The following DNAH5 variants were observed in gnomAD, a reference collection of about 807,000 sequenced individuals.
DNAH5 encodes dynein axonemal heavy chain 5, also known as axonemal beta dynein heavy chain 5.
Under a neutral mutation model 518.2 loss-of-function variants are expected in DNAH5, and 372 were observed. The ratio of observed to expected loss-of-function variants is 0.72; its 90% CI spans 0.66 to 0.78. DNAH5 has a LOEUF of 0.78. Among genes scored for constraint, DNAH5 ranks in the 30% least tolerant of loss-of-function variants. The pLI is 0.00. For synonymous variants in DNAH5, 2,039 were observed against 2,025.9 expected, an observed-to-expected ratio of 1.01 and a Z score of -0.17; for missense variants, 5,523 against 5,687.0, an observed-to-expected ratio of 0.97 and a Z score of 0.93.
At chr5:13,987,958 A>C (rs1217191912) in intron 1 of DNAH5, among the ~76,000 whole-genome samples, 2 of 152,204 alleles carry the variant, frequency 1.3e-5, no homozygotes, top group African/African-American at 2.4e-5. Flanking sequence ...AAACTAGACA[A>C]ACCTGTCACA....
At chr5:13,751,375 T>C (rs764023014) in intron 64 of DNAH5, 115 bp from the exon 65 acceptor site, 3 of 1,069,088 alleles carry the variant, frequency 2.8e-6, no homozygotes, top group Non-Finnish European at 4.1e-6. Flanking sequence ...ATCATTTGTA[T>C]ACTAAAAAAG....
At chr5:13,784,140 A>G (rs1162345574) in intron 52 of DNAH5, among the ~76,000 whole-genome samples, 1 of 152,226 alleles carries the variant, frequency 6.6e-6, no homozygotes, top group Non-Finnish European at 1.5e-5. Context: ...GACACTTAAC[A>G]TAAATAACTG....
intron 63 of DNAH5, 143 bp downstream of exon 63, chr5:13,753,090 T>A (rs1750469151): frequency 1.2e-5 from 8 of 641,316 alleles, no homozygotes; most frequent in Non-Finnish European, 2.2e-5. Context: ...TTATATTAGA[T>A]TTAAGCTTGC....
rs1579882080 is a variant in DNAH5 at position 13,716,649 on chromosome 5, A to G, written c.12747T>C (p.Ile4249=). The part of the protein sequence containing the change: ...WTTIRYMIGE[I]QYGGRVTDDY... ...CGTCAGTGACTCTGCCTCCATATTG[A>G]ATCTCTCCTATCATGTAGCGGATGG... Residue 4249 remains isoleucine (I), a synonymous_variant, in exon 74 of 79, where the codon ATT becomes ATC. Coordinates refer to ENST00000265104, the MANE Select transcript of DNAH5 (RefSeq NM_001369.3). 1 of 1,613,920 alleles carries G rather than the reference A, an allele frequency of 6.2e-7. No individual in the cohort carries two copies. The highest frequency in any genetic ancestry group is 8.5e-7 in the Non-Finnish European group (1 of 1,179,850).
In DNAH5 at chr5:13,900,380, T is replaced by C. The variant is rs762493873; in HGVS notation, c.2085A>G (p.Ser695=). The C allele has an allele frequency of 6.2e-7, 1 of 1,614,150 alleles. No homozygotes were observed. Among genetic ancestry groups the C allele is most frequent in the East Asian group, 2.2e-5 (1 of 44,870 alleles). ...IEEIHVGLEA[S]LLVKAPGTGE... ...CTGTGCCTGGAGCCTTCACCAATAA[T>C]GAAGCCTCAAGACCTACATGAATTT... is the stretch of plus-strand genomic sequence containing the variant. Residue 695 remains serine, a synonymous_variant, in exon 15 of 79, where the codon TCA becomes TCG. Transcript: ENST00000265104.
intron 53 of DNAH5, among the ~76,000 whole-genome samples, chr5:13,780,229 G>C (rs1754889170): frequency 6.6e-6 from 1 of 152,280 alleles, no homozygotes; most frequent in Middle Eastern, 3.4e-3. Flanking sequence ...CCTTAGACTA[G>C]GTTAGGAGCT....
chr5:13,913,242 AC>A lies in DNAH5; in HGVS notation c.1536+500del, dbSNP rs201150798. Among the ~76,000 whole-genome samples, 842 of 152,184 alleles carry A rather than the reference AC, an allele frequency of 5.5e-3. 2 individuals carry two copies. Among genetic ancestry groups the A allele is most frequent in the South Asian group, 0.031 (148 of 4,830 alleles). On this transcript the variant is annotated intron_variant, in intron 11 of 78. Transcript: ENST00000265104. Reference sequence around the variant, plus strand: ...CAAAACTAAAATTAGTCACACAGATACCATGACAAGATAAAGCAGTTAAAAA... The same window carrying A: ...CAAAACTAAAATTAGTCACACAGATACATGACAAGATAAAGCAGTTAAAAA...
intron 58 of DNAH5, among the ~76,000 whole-genome samples, chr5:13,768,313 G>A (rs564351334): frequency 2.8e-4 from 42 of 152,100 alleles, no homozygotes; most frequent in African/African-American, 8.4e-4. Context: ...TCTCTCTCCC[G>A]CCATCTTGTG....
chr5:13,724,405 A>G (rs1484641453), intron 70 of DNAH5, among the ~76,000 whole-genome samples: 4 of 152,168 alleles, frequency 2.6e-5, no homozygotes, highest in Non-Finnish European at 5.9e-5. Flanking sequence ...GTATCTTGGG[A>G]GTAAATAATG....
intron 75 of DNAH5, among the ~76,000 whole-genome samples, chr5:13,712,093 A>C (rs1743562303): frequency 6.6e-6 from 1 of 152,212 alleles, no homozygotes; most frequent in Admixed American, 6.5e-5. Flanking sequence ...AGGAGGCATC[A>C]TACAACATGG....
chr5:13,776,780 C>T, intron 54 of DNAH5, 74 bp from the exon 55 acceptor site: 1 of 1,526,042 alleles, frequency 6.6e-7, no homozygotes, highest in Non-Finnish European at 9.0e-7. Flanking sequence ...GCTTAATACA[C>T]AGAATGTCTT....
Position 13,716,799 on chromosome 5 carries a change from C to T in DNAH5, c.12706-109G>A, listed in dbSNP as rs1744343086. 13 of 781,612 alleles carry T rather than the reference C, an allele frequency of 1.7e-5. No individual in the cohort carries two copies. In the South Asian group the frequency reaches 1.7e-4, roughly 10 times the overall value. 48.4% of individuals were successfully genotyped at this position (781,612 alleles called of 1,614,324 possible). ...TTTCAACATCATTCAGTCAGTCACT[C>T]TTCATCAGTACTGCAAAGAGAAAGT... On this transcript the variant is annotated intron_variant, in intron 73 of 78. Transcript: ENST00000265104.
intron 46 of DNAH5, 145 bp downstream of exon 46, chr5:13,808,899 G>A: frequency 1.1e-6 from 1 of 875,844 alleles, no homozygotes. Flanking sequence ...GGTGGAGCCT[G>A]CAGTGAGCCG....
intron 58 of DNAH5, 36 bp from the exon 59 acceptor site, chr5:13,766,215 T>G (rs970830903): frequency 5.6e-6 from 9 of 1,610,440 alleles, no homozygotes; most frequent in Non-Finnish European, 7.6e-6. Context: ...CAACCACAGA[T>G]AGGAAAGCAC....
Position 13,870,874 on chromosome 5 carries a change from G to C in DNAH5, c.3727C>G (p.Leu1243Val), listed in dbSNP as rs2151918770. Residue 1243 changes from leucine (L) to valine (V), a missense_variant, in exon 24 of 79, where the codon CTA becomes GTA. Physicochemically the swap from Leu to Val is conservative, Grantham distance 32. Coordinates refer to ENST00000265104, the MANE Select transcript of DNAH5 (RefSeq NM_001369.3). ...FMLIEEFNKKLNRPIKDLDDI... is the reference protein window; with the variant it reads ...FMLIEEFNKKVNRPIKDLDDI... ...TCTAGGTCCTTAATTGGACGATTTA[G>C]TTTCTTATTGAATTCTTCAATAAGC... 2 of 1,613,802 alleles carry C rather than the reference G, an allele frequency of 1.2e-6. No individual in the cohort carries two copies. The highest frequency in any genetic ancestry group is 1.7e-6 in the Non-Finnish European group (2 of 1,179,822).
intron 38 of DNAH5, among the ~76,000 whole-genome samples, chr5:13,825,292 C>A (rs557610484): frequency 6.4e-4 from 97 of 151,876 alleles, no homozygotes; most frequent in South Asian, 4.6e-3. Context: ...TGCAGTGAGC[C>A]GAGATAGCAC....
chr5:13,937,612 T>C (rs1779053223), intron 1 of DNAH5, among the ~76,000 whole-genome samples: 1 of 151,882 alleles, frequency 6.6e-6, no homozygotes, highest in Non-Finnish European at 1.5e-5. Flanking sequence ...CAGGTCCTCA[T>C]ACAATACCTT....
At chr5:13,967,706 G>A (rs1241050672) in intron 1 of DNAH5, among the ~76,000 whole-genome samples, 5 of 151,752 alleles carry the variant, frequency 3.3e-5, no homozygotes, top group South Asian at 2.1e-4. Context: ...TGAATTTTAC[G>A]ATTGCTTTTT....
chr5:13,798,050 G>C (rs1390411247), intron 47 of DNAH5, among the ~76,000 whole-genome samples: 2 of 144,722 alleles, frequency 1.4e-5, no homozygotes, highest in African/African-American at 5.2e-5. Context: ...ACTGGGGCCT[G>C]TCTGGGGGTG....
Sources: gnomAD v4.1 joint callset for allele counts (sites outside exome capture counted in the v4.1 genomes callset) on GRCh38, gnomAD v4.1.1 for gene constraint, MANE v1.5 for transcripts, NCBI Gene and HGNC (gene_info 2026-07-23, HGNC 2026-07-21) for gene names.